Variants in NAV2 observed in about 807,000 individuals in gnomAD.
NAV2 encodes the protein neuron navigator 2, also known as helicase, APC down-regulated 1.
NAV2 carries 54 observed loss-of-function variants against 223.2 expected under a neutral mutation model. The ratio of observed to expected loss-of-function variants is 0.24; its 90% CI spans 0.19 to 0.30. The LOEUF is 0.30. NAV2 is among the 10% of genes least tolerant of loss of function. NAV2 has a pLI of 1.00. For synonymous variants in NAV2, 1,279 were observed against 1,239.3 expected (o/e 1.03, Z -0.67); for missense variants, 2,806 against 3,147.5 (o/e 0.89, Z 2.60).
chr11:19,586,864 C>A (rs999439976), intron 1 of NAV2, among the ~76,000 whole-genome samples: 1 of 152,228 alleles, frequency 6.6e-6, no homozygotes, highest in Non-Finnish European at 1.5e-5. Flanking sequence ...GTTCTCAGAT[C>A]TCCAGCTGCG....
chr11:19,553,854 G>A (rs1326326406), intron 1 of NAV2, among the ~76,000 whole-genome samples: 1 of 152,222 alleles, frequency 6.6e-6, no homozygotes, highest in African/African-American at 2.4e-5. Flanking sequence ...TGTGCCAGCC[G>A]GGTAGTCATC....
intron 1 of NAV2, among the ~76,000 whole-genome samples, chr11:19,554,968 A>T (rs1218828719): frequency 6.8e-6 from 1 of 147,824 alleles, no homozygotes; most frequent in East Asian, 2.0e-4. Flanking sequence ...AGATAAATAA[A>T]TTTTTTAAAA....
At chr11:19,552,921 G>T (rs1392772369) in intron 1 of NAV2, among the ~76,000 whole-genome samples, 1 of 151,948 alleles carries the variant, frequency 6.6e-6, no homozygotes, top group Admixed American at 6.5e-5. Context: ...AGCTGGATGG[G>T]AGTGCTGAGA....
At chr11:19,943,048 G>GTGA (rs2046532552) in intron 8 of NAV2, among the ~76,000 whole-genome samples, 1 of 152,178 alleles carries the variant, frequency 6.6e-6, no homozygotes, top group African/African-American at 2.4e-5. Context: ...CATTAATAGA[G>GTGA]TGATGGATAA....
chr11:19,664,511 T>C (rs1187639086), intron 1 of NAV2, among the ~76,000 whole-genome samples: 1 of 152,164 alleles, frequency 6.6e-6, no homozygotes, highest in Non-Finnish European at 1.5e-5. Flanking sequence ...TTTAGAGCCA[T>C]TTATGGGAGA....
At chr11:19,540,428 G>A (rs1590455818) in intron 1 of NAV2, among the ~76,000 whole-genome samples, 3 of 152,260 alleles carry the variant, frequency 2.0e-5, no homozygotes, top group African/African-American at 7.2e-5. Context: ...ATACATTTGT[G>A]CATGTAACTA....
chr11:20,080,258 A>T (rs375972607), intron 25 of NAV2, 49 bp downstream of exon 25: 6 of 1,562,076 alleles, frequency 3.8e-6, no homozygotes, highest in Non-Finnish European at 5.3e-6. Flanking sequence ...AGTCAGTTGC[A>T]GAACTGGCTG....
At chr11:19,822,912 A>G (rs1233372438) in intron 1 of NAV2, among the ~76,000 whole-genome samples, 1 of 152,202 alleles carries the variant, frequency 6.6e-6, no homozygotes, top group African/African-American at 2.4e-5. Flanking sequence ...GCTCAAGATC[A>G]GCTGAGAACC....
At chr11:19,659,759 AT>A (rs2135720737) in intron 1 of NAV2, among the ~76,000 whole-genome samples, 1 of 152,294 alleles carries the variant, frequency 6.6e-6, no homozygotes, top group South Asian at 2.1e-4. Context: ...CTGAGTTTCA[AT>A]CCTAACCCTG....
At chr11:20,015,317 T>C (rs2153519866) in intron 11 of NAV2, among the ~76,000 whole-genome samples, 2 of 152,308 alleles carry the variant, frequency 1.3e-5, no homozygotes, top group South Asian at 4.1e-4. Flanking sequence ...GTGGCTGTTG[T>C]TCTTAGCCAG....
At chr11:20,023,017 G>T (rs1370977407) in intron 11 of NAV2, 45 of 1,528,794 alleles carry the variant, frequency 2.9e-5, no homozygotes, top group Non-Finnish European at 3.7e-5. Context: ...GCCCAGTGTG[G>T]GCTGGCTCAG....
intron 7 of NAV2, among the ~76,000 whole-genome samples, chr11:19,937,055 T>C (rs2045966429): frequency 6.6e-6 from 1 of 152,158 alleles, no homozygotes; most frequent in Admixed American, 6.5e-5. Flanking sequence ...TGAGAATCCC[T>C]TGAACCTGGG....
intron 1 of NAV2, among the ~76,000 whole-genome samples, chr11:19,815,296 C>T (rs1480111842): frequency 2.6e-5 from 4 of 152,110 alleles, no homozygotes; most frequent in East Asian, 1.9e-4. Context: ...ACATGTGTGT[C>T]GTTTGCTCTA....
At chr11:20,035,894 T>G (rs1477648626) in intron 11 of NAV2, 65 bp from the exon 12 acceptor site, 1 of 1,598,340 alleles carries the variant, frequency 6.3e-7, no homozygotes, top group Non-Finnish European at 8.5e-7. Context: ...TGTCTGTCTG[T>G]GTCATCAGCC....
intron 3 of NAV2, among the ~76,000 whole-genome samples, chr11:19,862,486 C>G (rs1216211218): frequency 6.6e-6 from 1 of 152,180 alleles, no homozygotes; most frequent in East Asian, 1.9e-4. Context: ...TCACGGAGCC[C>G]CTCTTATGAC....
chr11:20,015,018 C>T (rs1479591245), intron 11 of NAV2, among the ~76,000 whole-genome samples: 1 of 152,108 alleles, frequency 6.6e-6, no homozygotes, highest in Non-Finnish European at 1.5e-5. Flanking sequence ...ATTGCTTGAG[C>T]CCAGGAGTTT....
chr11:19,572,643 A>G (rs563470869), intron 1 of NAV2, among the ~76,000 whole-genome samples: 2 of 152,338 alleles, frequency 1.3e-5, no homozygotes, highest in Admixed American at 6.5e-5. Context: ...CATGGTGGTC[A>G]GCACATAGAT....
chr11:20,106,175 A>ATATATATATGTGTGTGTGTG (rs11267537), intron 35 of NAV2, among the ~76,000 whole-genome samples: 1,023 of 35,750 alleles, frequency 0.029, 148 homozygotes, highest in East Asian at 0.044. Flanking sequence ...ATATATATAT[A>ATATATATATGTGTGTGTGTG]TGTGTGTGTA....
intron 1 of NAV2, among the ~76,000 whole-genome samples, chr11:19,520,201 T>C (rs1329697937): frequency 6.6e-6 from 1 of 152,154 alleles, no homozygotes; most frequent in African/African-American, 2.4e-5. Flanking sequence ...CTGCCTCTAA[T>C]CCTTTTATTG....
Sources: allele counts gnomAD v4.1 joint callset (sites outside exome capture counted in the v4.1 genomes callset), GRCh38; gene constraint gnomAD v4.1.1; transcripts MANE v1.5; gene names NCBI Gene and HGNC (gene_info 2026-07-23, HGNC 2026-07-21).